KRT86: variants seen among roughly 807,000 people sequenced by gnomAD.
KRT86 encodes the protein keratin, type II cuticular Hb6.
KRT86 carries 30 observed loss-of-function variants against 41.2 expected under a neutral mutation model. The observed-to-expected ratio is 0.73, with a 90% CI of 0.54 to 0.99. The LOEUF (loss-of-function observed/expected upper bound fraction) is 0.99. KRT86 is among the 50% of genes least tolerant of loss of function. KRT86 has a pLI of 0.00. For missense variants in KRT86, 561 were observed against 571.4 expected (o/e 0.98, Z 0.19); for synonymous variants, 238 against 238.1 (o/e 1.00, Z 0.00).
rs1938109378 is a variant in KRT86 at position 52,291,270 on chromosome 12, G to A, written c.-4-10643G>A. ...CTGGGCCCGCACACGCCCCCGGAGC[G>A]GTAGCCGAAGCTGCGTCCGCAGGAG... On this transcript the variant is annotated intron_variant, in intron 2 of 10. Coordinates refer to ENST00000423955, the MANE Select transcript of KRT86 (RefSeq NM_001320198.2). The A allele has an allele frequency of 3.3e-6, 5 of 1,530,940 alleles. No individual in the cohort carries two copies. The East Asian group carries it at 9.9e-5, about 30-fold the overall frequency. The allele number at this position is 1,530,940 out of a possible 1,614,324, so 94.8% of individuals were successfully genotyped here. A position where few individuals can be genotyped will look rare whatever the true frequency, so the allele number is the denominator to read the frequency against.
At chr12:52,295,208 C>A (rs1938220604) in intron 2 of KRT86, among the ~76,000 whole-genome samples, 1 of 151,982 alleles carries the variant, frequency 6.6e-6, no homozygotes, top group Admixed American at 6.5e-5. Context: ...ATAATAAAAT[C>A]TTTTGATGTT....
intron 8 of KRT86, 73 bp downstream of exon 8, chr12:52,305,861 A>C: frequency 4.3e-6 from 7 of 1,611,638 alleles, no homozygotes; most frequent in East Asian, 2.2e-5. Flanking sequence ...TGTGTGCCCT[A>C]TCTGGATCTC....
chr12:52,307,938 A>G (rs1334830719), intron 9 of KRT86, among the ~76,000 whole-genome samples: 1 of 152,216 alleles, frequency 6.6e-6, no homozygotes, highest in Non-Finnish European at 1.5e-5. Context: ...TATTTGATTC[A>G]GTCCTCGCAA....
chr12:52,296,167 G>T (rs1042335027), intron 2 of KRT86, among the ~76,000 whole-genome samples: 1 of 152,120 alleles, frequency 6.6e-6, no homozygotes, highest in African/African-American at 2.4e-5. Context: ...TTATTCTCAG[G>T]GTGACTTAGA....
At chr12:52,301,386 G>A (rs553119997) in intron 2 of KRT86, among the ~76,000 whole-genome samples, 1 of 152,126 alleles carries the variant, frequency 6.6e-6, no homozygotes, top group East Asian at 1.9e-4. Flanking sequence ...GCAGAAACAG[G>A]TCATCTAGTT....
At chr12:52,276,108 T>A (rs931289874) in intron 2 of KRT86, among the ~76,000 whole-genome samples, 162 bp downstream of exon 2, 1 of 152,258 alleles carries the variant, frequency 6.6e-6, no homozygotes, top group Non-Finnish European at 1.5e-5. Context: ...TATATCATGC[T>A]TACCTCTGCC....
intron 2 of KRT86, among the ~76,000 whole-genome samples, chr12:52,283,887 G>C (rs986325362): frequency 1.3e-5 from 2 of 152,152 alleles, no homozygotes; most frequent in African/African-American, 2.4e-5. Context: ...TCTGCACCCG[G>C]GGCATTATGT....
intron 7 of KRT86, 87 bp from the exon 8 acceptor site, chr12:52,305,576 A>T: frequency 6.2e-7 from 1 of 1,610,040 alleles, no homozygotes. Flanking sequence ...CAGGCTGAGC[A>T]CTGCACAACC....
chr12:52,305,750 C>T lies in KRT86; in HGVS notation c.988C>T (p.Gln330Ter), dbSNP rs1938498221. The T allele has an allele frequency of 6.2e-7, 1 of 1,613,944 alleles. No homozygotes were observed. The highest frequency in any genetic ancestry group is 8.5e-7 in the Non-Finnish European group (1 of 1,179,924). Residue 330 changes from glutamine to a stop codon, truncating the protein, a stop_gained, in exon 8 of 11, where the codon CAG (glutamine) becomes TAG (stop). Coordinates refer to ENST00000423955, the MANE Select transcript of KRT86 (RefSeq NM_001320198.2). LOFTEE classifies it high-confidence loss of function. ...GATCAACGAGCTGAACCGCATGATC[C>T]AGAGGCTGACGGCTGAGGTGGAGAA... Reference protein sequence around the residue: ...EEINELNRMIQRLTAEVENAK... With the variant: ...EEINELNRMI
intron 2 of KRT86, among the ~76,000 whole-genome samples, chr12:52,284,272 G>A (rs1325723041): frequency 4.6e-5 from 7 of 152,222 alleles, no homozygotes; most frequent in African/African-American, 1.4e-4. Context: ...CTCACTGTGC[G>A]GCTTCAACTT....
In KRT86 at chr12:52,277,730, A is replaced by T. The variant is rs895643164; in HGVS notation, c.-5+1784A>T. 3 of 153,186 alleles carry T rather than the reference A, an allele frequency of 2.0e-5. No individual in the cohort carries two copies. In the Admixed American group the frequency reaches 2.0e-4, roughly 10 times the overall value. The allele number at this position is 153,186 out of a possible 1,614,324, so 9.5% of individuals were successfully genotyped here. A position where few individuals can be genotyped will look rare whatever the true frequency, so the allele number is the denominator to read the frequency against. On this transcript the variant is annotated intron_variant, in intron 2 of 10. Coordinates refer to ENST00000423955, the MANE Select transcript of KRT86 (RefSeq NM_001320198.2). ...AGCTGCTGGAGGGTGAAGAGAGTGGATGATGGGTCAGCTGGGAAGTGCTTC... is the reference window on the plus strand; with the variant it reads ...AGCTGCTGGAGGGTGAAGAGAGTGGTTGATGGGTCAGCTGGGAAGTGCTTC...
intron 2 of KRT86, among the ~76,000 whole-genome samples, chr12:52,301,585 G>T (rs539320540): frequency 2.4e-4 from 36 of 152,124 alleles, no homozygotes; most frequent in Non-Finnish European, 4.9e-4. Flanking sequence ...TTCGTCCAAC[G>T]TCAGTTTCCT....
At chr12:52,277,694 T>C (rs115135467) in intron 2 of KRT86, 2,537 of 153,026 alleles carry the variant, frequency 0.017, 79 homozygotes, top group African/African-American at 0.058. Flanking sequence ...TTGAGATTGC[T>C]GCCTGCCACA....
Position 52,308,832 on chromosome 12 carries a change from A to G in KRT86, c.*247A>G, listed in dbSNP as rs1277980390. 12 of 554,300 alleles carry G rather than the reference A, an allele frequency of 2.2e-5. No individual in the cohort carries two copies. The highest frequency in any genetic ancestry group is 3.2e-5 in the Admixed American group (1 of 31,272). 34.3% of individuals were successfully genotyped at this position (554,300 alleles called of 1,614,324 possible). A position where few individuals can be genotyped will look rare whatever the true frequency, so the allele number is the denominator to read the frequency against. On this transcript the variant is annotated 3_prime_UTR_variant, in exon 11 of 11. Transcript: ENST00000423955. ...AGTCAATTTGTTGTCCCGAGGATTC[A>G]TCTTTTTCTTCCGCCTGCCTTCTGT...
At chr12:52,295,099 C>G (rs1033469090) in intron 2 of KRT86, among the ~76,000 whole-genome samples, 3 of 152,126 alleles carry the variant, frequency 2.0e-5, no homozygotes, top group Non-Finnish European at 4.4e-5. Context: ...TGCATTTATG[C>G]AAGAGTTTTT....
At chr12:52,295,027 T>C (rs1376343426) in intron 2 of KRT86, among the ~76,000 whole-genome samples, 2 of 152,352 alleles carry the variant, frequency 1.3e-5, no homozygotes, top group African/African-American at 4.8e-5. Context: ...GCCACAAGGT[T>C]GTTTCCAGAG....
intron 2 of KRT86, chr12:52,291,450 CTGATCCGCAGGTCA>C (rs1365650835): frequency 1.9e-6 from 3 of 1,612,828 alleles, no homozygotes; most frequent in Non-Finnish European, 2.5e-6. Flanking sequence ...CCACCAAATC[CTGATCCGCAGGTCA>C]TGATCCTCCT....
intron 2 of KRT86, chr12:52,286,437 G>C (rs758261572): frequency 6.4e-7 from 1 of 1,552,872 alleles, no homozygotes. Context: ...GTCACTGGCC[G>C]GGAGCCTGAC....
At chr12:52,299,711 A>G (rs1367383655) in intron 2 of KRT86, among the ~76,000 whole-genome samples, 1 of 152,220 alleles carries the variant, frequency 6.6e-6, no homozygotes, top group Non-Finnish European at 1.5e-5. Flanking sequence ...GAGCATTTTC[A>G]ATATACCTGT....
Sources: allele counts gnomAD v4.1 joint callset (sites outside exome capture counted in the v4.1 genomes callset), GRCh38; gene constraint gnomAD v4.1.1; transcripts MANE v1.5; gene names NCBI Gene and HGNC (gene_info 2026-07-23, HGNC 2026-07-21).